ZNF680: variants seen among roughly 807,000 people sequenced by gnomAD.
ZNF680 encodes zinc finger protein 680.
Under a neutral mutation model 12.1 loss-of-function variants are expected in ZNF680, and 6 were observed. The observed-to-expected ratio is 0.49, with a 90% confidence interval of 0.27 to 0.98. The LOEUF is 0.98. Ranked by LOEUF, ZNF680 falls within the 50% of genes least tolerant of loss-of-function variation. ZNF680 has a pLI of 0.12. For synonymous variants in ZNF680, 170 were observed against 199.3 expected (o/e 0.85, Z 1.24); for missense variants, 561 against 616.3 (o/e 0.91, Z 0.95).
chr7:64,533,256 T>G (rs1455538294), intron 3 of ZNF680, among the ~76,000 whole-genome samples: 3 of 152,136 alleles, frequency 2.0e-5, no homozygotes. Flanking sequence ...TGATCTTTTA[T>G]CTTGAAAACC....
intron 3 of ZNF680, among the ~76,000 whole-genome samples, chr7:64,523,491 A>C (rs981420166): frequency 6.6e-6 from 1 of 152,170 alleles, no homozygotes; most frequent in Non-Finnish European, 1.5e-5. Context: ...GACAAAAAAG[A>C]ATCAAATAAA....
intron 3 of ZNF680, among the ~76,000 whole-genome samples, chr7:64,538,783 G>C (rs538696380): frequency 2.6e-5 from 4 of 152,046 alleles, no homozygotes; most frequent in African/African-American, 9.7e-5. Flanking sequence ...ACTATGCAAC[G>C]CAGGACCTGG....
At chr7:64,546,018 A>C (rs1309939715) in intron 1 of ZNF680, among the ~76,000 whole-genome samples, 3 of 152,336 alleles carry the variant, frequency 2.0e-5, no homozygotes, top group South Asian at 2.1e-4. Flanking sequence ...AATGTAAAGA[A>C]GGCTCTGGTA....
At chr7:64,556,338 T>TC (rs1168061521) in intron 1 of ZNF680, among the ~76,000 whole-genome samples, 7 of 137,090 alleles carry the variant, frequency 5.1e-5, no homozygotes, top group African/African-American at 1.9e-4. Flanking sequence ...GCCAAGGCAA[T>TC]CACAAGCAAA....
At chr7:64,556,259 TAAAAAAAAAA>T (rs58056053) in intron 1 of ZNF680, among the ~76,000 whole-genome samples, 1 of 88,498 alleles carries the variant, frequency 1.1e-5, no homozygotes, top group Admixed American at 1.2e-4. Context: ...TTCACGGAAC[TAAAAAAAAAA>T]AAAAAAAAAA....
intron 1 of ZNF680, among the ~76,000 whole-genome samples, chr7:64,561,934 C>CAAAAAAAAAAA (rs1187872173): frequency 7.5e-5 from 6 of 80,336 alleles, no homozygotes; most frequent in Non-Finnish European, 1.6e-4. Flanking sequence ...GACTCCGTCT[C>CAAAAAAAAAAA]AAAAAAAAAA....
rs376412090 is a variant in ZNF680, at chr7:64,520,491, A to T, written c.*670T>A. 63 of 151,856 alleles carry T rather than the reference A, an allele frequency of 4.1e-4. No homozygotes were observed. Among genetic ancestry groups the T allele is most frequent in the African/African-American group, 1.4e-3 (60 of 41,426 alleles). 9.4% of individuals were successfully genotyped at this position (151,856 alleles called of 1,614,324 possible). On this transcript the variant is annotated 3_prime_UTR_variant, in exon 4 of 4. Transcript: ENST00000309683. ...AAGTGTCAGTGCCTTAGTTATTTCT[A>T]CTGTAAATTATTTAATATTTACATA... is the stretch of plus-strand genomic sequence containing the variant.
At chr7:64,508,014 A>G in the ZNF680 span, among the ~76,000 whole-genome samples, 2 of 150,614 alleles carry the variant, frequency 1.3e-5, no homozygotes, top group Non-Finnish European at 3.0e-5. Context: ...ATACTTTAAA[A>G]GGCTCTAAAG....
downstream of ZNF680, among the ~76,000 whole-genome samples, chr7:64,515,414 T>A (rs545069148): frequency 1.3e-5 from 2 of 151,780 alleles, no homozygotes; most frequent in Admixed American, 1.3e-4. Flanking sequence ...AAAAATCCAA[T>A]GCCTAATCTC....
At chr7:64,512,379 G>T in the ZNF680 span, among the ~76,000 whole-genome samples, 1 of 151,118 alleles carries the variant, frequency 6.6e-6, no homozygotes, top group Admixed American at 6.6e-5. Context: ...TTTGAACCCG[G>T]GAGGCAGAGG....
chr7:64,545,263 C>CA (rs532422147), intron 1 of ZNF680, among the ~76,000 whole-genome samples: 1,495 of 89,510 alleles, frequency 0.017, 126 homozygotes, highest in Admixed American at 0.026. Context: ...GACTCCATCT[C>CA]AAAAAAAAAA....
chr7:64,511,747 T>TA, the ZNF680 span, among the ~76,000 whole-genome samples: 6 of 151,518 alleles, frequency 4.0e-5, no homozygotes, highest in South Asian at 4.2e-4. Context: ...TTTTAATTAA[T>TA]AAAAAAAAAA....
At chr7:64,506,024 G>GC in the ZNF680 span, among the ~76,000 whole-genome samples, 4 of 152,020 alleles carry the variant, frequency 2.6e-5, no homozygotes, top group Non-Finnish European at 1.5e-5. Context: ...GGCCACAAAG[G>GC]CAACACATTA....
At chr7:64,538,592 A>AT (rs1786305818) in intron 3 of ZNF680, among the ~76,000 whole-genome samples, 1 of 152,248 alleles carries the variant, frequency 6.6e-6, no homozygotes, top group Non-Finnish European at 1.5e-5. Flanking sequence ...AATAGCCACT[A>AT]TAAGTTTTCT....
At chr7:64,541,297 T>C (rs1163092303) in intron 3 of ZNF680, among the ~76,000 whole-genome samples, 1 of 152,018 alleles carries the variant, frequency 6.6e-6, no homozygotes, top group Non-Finnish European at 1.5e-5. Context: ...AAATTTGAAA[T>C]AGAAAATAGA....
chr7:64,535,579 T>A (rs1786122071), intron 3 of ZNF680, among the ~76,000 whole-genome samples: 2 of 152,088 alleles, frequency 1.3e-5, no homozygotes, highest in Non-Finnish European at 2.9e-5. Flanking sequence ...ATGAAAAAAA[T>A]CTTATTTCAT....
Position 64,522,481 on chromosome 7 carries a change from A to C in ZNF680, c.273T>G (p.Thr91=). 1 of 1,518,514 alleles carries C rather than the reference A, an allele frequency of 6.6e-7. No homozygotes were observed. Among genetic ancestry groups the C allele is most frequent in the Non-Finnish European group, 8.8e-7 (1 of 1,133,806 alleles). The allele number at this position is 1,518,514 out of a possible 1,614,324, so 94.1% of individuals were successfully genotyped here. The part of the protein sequence containing the change: ...AKPPVIYSHF[T]EDLWPEHSIK... ...TGCTATGCTCTGGCCAAAGGTCTTCAGTGAAATGAGAATATATAACTGAAA... is the reference window on the plus strand; with the variant it reads ...TGCTATGCTCTGGCCAAAGGTCTTCCGTGAAATGAGAATATATAACTGAAA... Residue 91 remains threonine (T), a synonymous_variant, in exon 4 of 4, where the codon ACT becomes ACG. Transcript: ENST00000309683.
intron 1 of ZNF680, among the ~76,000 whole-genome samples, chr7:64,545,170 A>G (rs1786717659): frequency 1.4e-5 from 2 of 147,778 alleles, no homozygotes; most frequent in South Asian, 4.5e-4. Flanking sequence ...AGGCTGAGGC[A>G]GGAGAATCGC....
chr7:64,535,848 G>T (rs1253841969), intron 3 of ZNF680, among the ~76,000 whole-genome samples: 1 of 152,070 alleles, frequency 6.6e-6, no homozygotes, highest in Non-Finnish European at 1.5e-5. Context: ...AGAGGCTGAG[G>T]CAAGAGAATT....
Sources: gnomAD v4.1 joint callset for allele counts (sites outside exome capture counted in the v4.1 genomes callset) on GRCh38, gnomAD v4.1.1 for gene constraint, MANE v1.5 for transcripts, NCBI Gene and HGNC (gene_info 2026-07-23, HGNC 2026-07-21) for gene names.